ALS2: variants seen among roughly 807,000 people sequenced by gnomAD.
The protein encoded by ALS2 is alsin Rho guanine nucleotide exchange factor ALS2.
ALS2 carries 117 observed loss-of-function variants against 203.4 expected under a neutral mutation model. The observed-to-expected ratio is 0.58, with a 90% CI of 0.50 to 0.67. The LOEUF (loss-of-function observed/expected upper bound fraction) is 0.67. Among genes scored for constraint, ALS2 ranks in the 30% least tolerant of loss-of-function variants. ALS2 has a pLI of 0.00. For synonymous variants in ALS2, 718 were observed against 725.9 expected, an observed-to-expected ratio of 0.99 and a Z score of 0.17; for missense variants, 1,715 against 1,989.4, an observed-to-expected ratio of 0.86 and a Z score of 2.62.
intron 5 of ALS2, 56 bp downstream of exon 5, chr2:201,757,346 C>T: frequency 2.1e-6 from 3 of 1,405,970 alleles, no homozygotes; most frequent in Non-Finnish European, 3.0e-6. Flanking sequence ...CATGCGATGT[C>T]AGGAGCATCC....
intron 19 of ALS2, 41 bp downstream of exon 19, chr2:201,726,443 C>G (rs775300241): frequency 3.2e-6 from 5 of 1,538,486 alleles, no homozygotes; most frequent in Non-Finnish European, 4.5e-6. Context: ...ACGACCTTAC[C>G]GAACTTGAAT....
intron 20 of ALS2, 86 bp from the exon 21 acceptor site, chr2:201,724,545 A>G: frequency 1.6e-6 from 2 of 1,251,302 alleles, no homozygotes; most frequent in South Asian, 2.4e-5. Context: ...CCAAAACCAT[A>G]CTCAGTCTCA....
chr2:201,718,237 G>T (rs369517132), intron 23 of ALS2, 27 bp from the exon 24 acceptor site: 21 of 1,603,126 alleles, frequency 1.3e-5, no homozygotes, highest in African/African-American at 2.7e-5. Context: ...AATAAAATGT[G>T]GGGTTAGAGG....
In ALS2 at chr2:201,741,529, A is replaced by T. The variant is rs1692268575; in HGVS notation, c.2351+145T>A. ...CTAAATTTTAGCAATCCAGAACTAT[A>T]GTTGGCTTAAGATTAAAATACTGCT... On this transcript the variant is annotated intron_variant, in intron 11 of 33. Coordinates refer to ENST00000264276, the MANE Select transcript of ALS2 (RefSeq NM_020919.4). The T allele has an allele frequency of 4.7e-6, 4 of 845,932 alleles. No individual in the cohort carries two copies. The East Asian group carries it at 1.1e-4, about 22-fold the overall frequency. The allele number at this position is 845,932 out of a possible 1,614,324, so 52.4% of individuals were successfully genotyped here. A position where few individuals can be genotyped will look rare whatever the true frequency, so the allele number is the denominator to read the frequency against.
chr2:201,764,978 C>G (rs958523015), intron 3 of ALS2, among the ~76,000 whole-genome samples: 1 of 151,806 alleles, frequency 6.6e-6, no homozygotes, highest in Non-Finnish European at 1.5e-5. Context: ...CTAAAGATAC[C>G]ATGTTTATAG....
chr2:201,766,389 T>TA (rs1415261591), intron 3 of ALS2, among the ~76,000 whole-genome samples: 1 of 152,050 alleles, frequency 6.6e-6, no homozygotes, highest in Admixed American at 6.5e-5. Flanking sequence ...CTCATCCCTG[T>TA]AATCCCAGAA....
chr2:201,769,002 TAA>T (rs10655798), intron 1 of ALS2, 57 bp from the exon 2 acceptor site: 5,776 of 608,700 alleles, frequency 9.5e-3, no homozygotes, highest in South Asian at 0.013. Flanking sequence ...CCTCAGACAT[TAA>T]AAAAAAAAAA....
At position 201,757,608 on chromosome 2, in the gene ALS2, A is replaced by T. The variant is rs372175711; in HGVS notation, c.1265T>A (p.Met422Lys). 1.9e-6 allele frequency: 3 copies of T among 1,614,180 alleles called. No homozygotes were observed. The South Asian group carries it at 3.3e-5, about 18-fold the overall frequency. ...ACAAGGGGTTGTACTATAAAAGTTC[A>T]TAACTTTCTTCAGTGACAAGGCACC... ...EAGALSLKKV[M>K]NFYSTTPCET... Residue 422 changes from methionine to lysine, a missense_variant, in exon 5 of 34, where the codon ATG becomes AAG. Transcript: ENST00000264276.
rs371710113 is a variant in ALS2, at chr2:201,718,067, A to G, written c.3836+10T>C. 4 of 1,612,264 alleles carry G rather than the reference A, an allele frequency of 2.5e-6. No individual in the cohort carries two copies. The African/African-American group carries it at 5.3e-5, about 22-fold the overall frequency. Reference sequence around the variant, plus strand: ...CAATAATTAATCCAGAATTAACACTAGTTACTCACAAAACTTTAGGTCTGT... The same window carrying G: ...CAATAATTAATCCAGAATTAACACTGGTTACTCACAAAACTTTAGGTCTGT... On this transcript the variant is annotated intron_variant, in intron 24 of 33. Coordinates refer to ENST00000264276, the MANE Select transcript of ALS2 (RefSeq NM_020919.4).
Position 201,722,768 on chromosome 2 carries a change from A to T in ALS2, c.3702+275T>A. 3 of 414,546 alleles carry T rather than the reference A, an allele frequency of 7.2e-6. 1 individual carries two copies. The South Asian group carries it at 1.1e-4, about 15-fold the overall frequency. The allele number at this position is 414,546 out of a possible 1,614,324, so 25.7% of individuals were successfully genotyped here. On this transcript the variant is annotated intron_variant, in intron 23 of 33. Transcript: ENST00000264276. ...TTTATACAAAAGGCCCAAAAAAGGC[A>T]AATCTATAGAGTGATTAAGGGTGAT...
At chr2:201,712,218 C>A (rs904908524) in intron 25 of ALS2, among the ~76,000 whole-genome samples, 1 of 152,170 alleles carries the variant, frequency 6.6e-6, no homozygotes, top group African/African-American at 2.4e-5. Flanking sequence ...AAACTAATCT[C>A]TCCAGGCTAG....
In ALS2 at chr2:201,715,779, T is replaced by C. The variant is rs765272232; in HGVS notation, c.3897A>G (p.Glu1299=). ...ADEKWKAVFD[E]CWRQLGCEGP... is the part of the protein sequence containing the mutation. Reference sequence around the variant, plus strand: ...CCTCACAGCCCAGTTGGCGCCAACATTCGTCAAACACCGCTTTCCACTTCT... The same window carrying C: ...CCTCACAGCCCAGTTGGCGCCAACACTCGTCAAACACCGCTTTCCACTTCT... Residue 1299 remains glutamate (E), a synonymous_variant, in exon 25 of 34, where the codon GAA becomes GAG. Coordinates refer to ENST00000264276, the MANE Select transcript of ALS2 (RefSeq NM_020919.4). 1.6e-5 allele frequency: 26 copies of C among 1,614,218 alleles called. No individual in the cohort carries two copies. Among genetic ancestry groups the C allele is most frequent in the Non-Finnish European group, 2.2e-5 (26 of 1,180,030 alleles).
At chr2:201,775,297 G>C (rs1694605810) in intron 1 of ALS2, among the ~76,000 whole-genome samples, 1 of 152,058 alleles carries the variant, frequency 6.6e-6, no homozygotes, top group African/African-American at 2.4e-5. Flanking sequence ...GTAGTAGAGT[G>C]ACAAGTGATT....
Position 201,744,300 on chromosome 2 carries a change from T to C in ALS2, c.2128A>G (p.Ser710Gly), listed in dbSNP as rs749760459. 6.2e-7 allele frequency: 1 copy of C among 1,614,134 alleles called. No homozygotes were observed. Among genetic ancestry groups the C allele is most frequent in the Non-Finnish European group, 8.5e-7 (1 of 1,180,012 alleles). The change falls in exon 10 of 34, where the codon AGT becomes GGT. Residue 710 changes from serine to glycine, a missense_variant. By Grantham distance (56) the Ser-to-Gly change is moderately conservative (BLOSUM62 0). This residue lies in a region of ALS2 where 1,227 missense variants were observed against 1,413.5 expected (regional missense o/e 0.87). Transcript: ENST00000264276. ...TTERRFYSKL[S>G]DIKSQILRPL... ...CTGAGAATCTGAGATTTGATATCAC[T>C]TAGTTTTGAATAGAATCGTCTTTCT...
At position 201,754,547 on chromosome 2, in the gene ALS2, C is replaced by T. The variant is rs768173305; in HGVS notation, c.1596G>A (p.Gly532=). Residue 532 remains glycine (G), a synonymous_variant, in exon 6 of 34, where the codon GGG becomes GGA. Transcript: ENST00000264276. ...PSLRTEVWTW[G]KGKEGQLGHG... The stretch of plus-strand genomic sequence containing the variant: ...GCCCCAGCTGCCCTTCCTTCCCTTT[C>T]CCCCAGGTCCACACTTCTGTTCTCA... 9 of 1,614,116 alleles carry T rather than the reference C, an allele frequency of 5.6e-6. No homozygotes were observed. Among genetic ancestry groups the T allele is most frequent in the Admixed American group, 1.7e-5 (1 of 60,026 alleles).
intron 12 of ALS2, among the ~76,000 whole-genome samples, chr2:201,735,087 T>TA (rs1326108818): frequency 2.6e-5 from 4 of 151,980 alleles, no homozygotes; most frequent in Non-Finnish European, 5.9e-5. Context: ...ATACTATACT[T>TA]AAAGAAATAA....
At chr2:201,755,365 T>C (rs9973502) in intron 5 of ALS2, among the ~76,000 whole-genome samples, 25,697 of 151,992 alleles carry the variant, frequency 0.17, 2,490 homozygotes, top group East Asian at 0.4. Context: ...TGGGTTCAAG[T>C]GATTCTCCTG....
intron 22 of ALS2, 82 bp from the exon 23 acceptor site, chr2:201,723,202 C>T: frequency 7.2e-7 from 1 of 1,384,728 alleles, no homozygotes; most frequent in East Asian, 2.3e-5. Context: ...TCCCCAAAGC[C>T]TTATGGAATC....
chr2:201,780,724 C>T (rs1005869272), intron 1 of ALS2, among the ~76,000 whole-genome samples, 153 bp downstream of exon 1: 1 of 152,214 alleles, frequency 6.6e-6, no homozygotes, highest in Admixed American at 6.5e-5. Flanking sequence ...TGGGAAAATG[C>T]GGGCGCCGTC....
Sources: gnomAD v4.1 joint callset for allele counts (sites outside exome capture counted in the v4.1 genomes callset) on GRCh38, gnomAD v4.1.1 for gene constraint, gnomAD v4.1.1 regional missense constraint, MANE v1.5 for transcripts, NCBI Gene and HGNC (gene_info 2026-07-23, HGNC 2026-07-21) for gene names.